The following AKR1E2 variants were observed in gnomAD, a reference collection of about 807,000 sequenced individuals.
AKR1E2 encodes aldo-keto reductase family 1 member E2, also known as 1,5-anhydro-D-fructose reductase.
In AKR1E2, 43 loss-of-function variants were observed where a neutral mutation model predicts 41.9. The observed-to-expected ratio is 1.03, with a 90% CI of 0.80 to 1.32. AKR1E2 has a LOEUF of 1.32. AKR1E2 is among the 40% of genes most tolerant of loss of function. The pLI is 0.00. For synonymous variants in AKR1E2, 121 were observed against 138.9 expected (o/e 0.87, Z 0.91); for missense variants, 423 against 396.5 (o/e 1.07, Z -0.57).
intron 4 of AKR1E2, among the ~76,000 whole-genome samples, chr10:4,837,013 A>G (rs1019854022): frequency 1.3e-5 from 2 of 152,204 alleles, no homozygotes; most frequent in Non-Finnish European, 1.5e-5. Flanking sequence ...ATGGTGATGT[A>G]TCCGTGTGCT....
intron 8 of AKR1E2, among the ~76,000 whole-genome samples, chr10:4,844,806 A>T (rs1475575186): frequency 6.6e-6 from 1 of 152,250 alleles, no homozygotes; most frequent in African/African-American, 2.4e-5. Context: ...CTAGCTAGAC[A>T]TAAAGGTTTT....
chr10:4,848,811 T>C (rs1239660490), downstream of AKR1E2, among the ~76,000 whole-genome samples: 1 of 152,218 alleles, frequency 6.6e-6, no homozygotes, highest in African/African-American at 2.4e-5. Flanking sequence ...TGTGCTTTTC[T>C]AGCTCTGTGA....
chr10:4,846,354 A>T, intron 8 of AKR1E2, among the ~76,000 whole-genome samples: 1 of 152,088 alleles, frequency 6.6e-6, no homozygotes, highest in Admixed American at 6.5e-5. Flanking sequence ...ACAAAAGGGG[A>T]GGGAAGGGCT....
chr10:4,836,072 A>G (rs1215683119), intron 4 of AKR1E2, among the ~76,000 whole-genome samples: 1 of 152,004 alleles, frequency 6.6e-6, no homozygotes, highest in East Asian at 1.9e-4. Flanking sequence ...TCAAATATTT[A>G]TTTATTTTTT....
Position 4,837,233 on chromosome 10 carries a change from A to G in AKR1E2, c.460-226A>G, listed in dbSNP as rs1869218. ...TGTAGACCTGTCCTGAAGCTGAGAA[A>G]ATTGGGGCCAAGTGAGGCCATGCAA... is the stretch of plus-strand genomic sequence containing the variant. On this transcript the variant is annotated intron_variant, in intron 4 of 9. Transcript: ENST00000298375. Among the ~76,000 whole-genome samples, 31,182 of 152,230 alleles carry G rather than the reference A, an allele frequency of 0.2. 3,390 individuals carry two copies. The highest frequency in any genetic ancestry group is 0.34 in the Middle Eastern group (101 of 294).
chr10:4,867,757 G>T, the AKR1E2 span, among the ~76,000 whole-genome samples: 3 of 152,184 alleles, frequency 2.0e-5, no homozygotes, highest in Non-Finnish European at 4.4e-5. Context: ...TAAGAACAGC[G>T]TTGGCCTTCC....
chr10:4,858,888 A>C, the AKR1E2 span, among the ~76,000 whole-genome samples: 1 of 143,058 alleles, frequency 7.0e-6, no homozygotes, highest in East Asian at 2.1e-4. Context: ...CAGTGGCGTG[A>C]TCTCAGCTCA....
intron 2 of AKR1E2, among the ~76,000 whole-genome samples, chr10:4,832,855 A>G (rs754205979): frequency 6.6e-6 from 1 of 152,256 alleles, no homozygotes; most frequent in Non-Finnish European, 1.5e-5. Context: ...GTTTTTCTAC[A>G]TAATGAGAGT....
intron 6 of AKR1E2, 142 bp downstream of exon 6, chr10:4,839,968 C>T (rs1833743959): frequency 1.3e-6 from 1 of 762,540 alleles, no homozygotes; most frequent in Non-Finnish European, 2.2e-6. Flanking sequence ...GGGCTGTCCA[C>T]ACCTCTCAAG....
chr10:4,845,399 C>T (rs2131569203), intron 8 of AKR1E2, among the ~76,000 whole-genome samples: 1 of 152,322 alleles, frequency 6.6e-6, no homozygotes, highest in South Asian at 2.1e-4. Flanking sequence ...TCCTCAAGTG[C>T]CGCCAAAGTG....
At chr10:4,854,911 G>A in the AKR1E2 span, among the ~76,000 whole-genome samples, 7 of 152,176 alleles carry the variant, frequency 4.6e-5, no homozygotes. Flanking sequence ...GGCACTATGG[G>A]ATGTTAACTG....
chr10:4,854,892 A>C, the AKR1E2 span, among the ~76,000 whole-genome samples: 2 of 152,084 alleles, frequency 1.3e-5, no homozygotes, highest in Admixed American at 1.3e-4. Context: ...TTCGGCTAAG[A>C]ATGGGTTTGG....
At chr10:4,831,744 T>C (rs78497290) in intron 2 of AKR1E2, among the ~76,000 whole-genome samples, 5,304 of 152,146 alleles carry the variant, frequency 0.035, 148 homozygotes, top group East Asian at 0.12. Flanking sequence ...TGAGGCTGAG[T>C]GGTGGATAGG....
intron 5 of AKR1E2, among the ~76,000 whole-genome samples, chr10:4,839,357 C>T (rs1220244978): frequency 6.6e-6 from 1 of 152,050 alleles, no homozygotes; most frequent in Non-Finnish European, 1.5e-5. Flanking sequence ...AGACAGTGAG[C>T]AAATATGTAA....
At chr10:4,864,721 G>C in the AKR1E2 span, among the ~76,000 whole-genome samples, 11 of 152,134 alleles carry the variant, frequency 7.2e-5, no homozygotes, top group African/African-American at 2.7e-4. Context: ...CATCGTCTCA[G>C]CCCAAAATCT....
chr10:4,830,904 C>T, intron 2 of AKR1E2, 62 bp downstream of exon 2: 27 of 1,591,454 alleles, frequency 1.7e-5, no homozygotes, highest in Non-Finnish European at 2.1e-5. Context: ...GGAGGGCTTT[C>T]TACTTTCTTT....
At chr10:4,852,096 ACT>A (rs1040998234), downstream of AKR1E2, among the ~76,000 whole-genome samples, 1 of 151,996 alleles carries the variant, frequency 6.6e-6, no homozygotes, top group Non-Finnish European at 1.5e-5. Flanking sequence ...AACCTGCAAA[ACT>A]CTATTCCAAT....
intron 4 of AKR1E2, 102 bp downstream of exon 4, chr10:4,835,911 T>C: frequency 6.8e-7 from 1 of 1,480,848 alleles, no homozygotes; most frequent in Non-Finnish European, 9.1e-7. Flanking sequence ...CAAGGTTGTC[T>C]ACCTGAGATG....
chr10:4,842,633 G>T, intron 8 of AKR1E2, 129 bp downstream of exon 8: 1 of 753,640 alleles, frequency 1.3e-6, no homozygotes, highest in East Asian at 2.7e-5. Context: ...TCTGCACTGT[G>T]GGTGTTGGTG....
Sources: allele counts gnomAD v4.1 joint callset (sites outside exome capture counted in the v4.1 genomes callset), GRCh38; gene constraint gnomAD v4.1.1; transcripts MANE v1.5; gene names NCBI Gene and HGNC (gene_info 2026-07-23, HGNC 2026-07-21).